Variants in CAMK2A observed in about 807,000 individuals in gnomAD.
CAMK2A encodes calcium/calmodulin-dependent protein kinase type II subunit alpha.
Under a neutral mutation model 79.2 loss-of-function variants are expected in CAMK2A, and 7 were observed. The ratio of observed to expected loss-of-function variants is 0.09; its 90% CI spans 0.05 to 0.17. The LOEUF is 0.17. Among genes scored for constraint, CAMK2A ranks in the 10% least tolerant of loss-of-function variants. CAMK2A has a pLI of 1.00. For missense variants in CAMK2A, 214 were observed against 646.4 expected, an observed-to-expected ratio of 0.33 and a Z score of 7.25; for synonymous variants, 242 against 251.7, an observed-to-expected ratio of 0.96 and a Z score of 0.36.
At position 150,219,713 on chromosome 5, in the gene CAMK2A, C is replaced by T. The variant is rs990727348; in HGVS notation, c.*2997G>A. On this transcript the variant is annotated 3_prime_UTR_variant, in exon 19 of 19. Transcript: ENST00000671881. ...AAACCAGCACGGGGAGTCTGGCAAA[C>T]TCATCCCCCAAAAGGGTCTCCCTTT... The T allele has an allele frequency of 6.6e-6, 1 of 151,866 alleles. No individual in the cohort carries two copies. Among genetic ancestry groups the T allele is most frequent in the African/African-American group, 2.4e-5 (1 of 41,230 alleles). The allele number at this position is 151,866 out of a possible 1,614,324, so 9.4% of individuals were successfully genotyped here.
At chr5:150,267,956 C>T (rs1317684970) in intron 2 of CAMK2A, among the ~76,000 whole-genome samples, 1 of 151,820 alleles carries the variant, frequency 6.6e-6, no homozygotes, top group Non-Finnish European at 1.5e-5. Flanking sequence ...TCACTGCAAC[C>T]TCTGCCTGCC....
chr5:150,225,874 A>G (rs1754577340), intron 17 of CAMK2A, among the ~76,000 whole-genome samples: 1 of 152,130 alleles, frequency 6.6e-6, no homozygotes, highest in Non-Finnish European at 1.5e-5. Flanking sequence ...CCTCCCAAGT[A>G]GCTGAGATTA....
intron 1 of CAMK2A, among the ~76,000 whole-genome samples, chr5:150,274,319 AT>A (rs1052198558): frequency 6.6e-6 from 1 of 152,214 alleles, no homozygotes; most frequent in African/African-American, 2.4e-5. Context: ...AATGTGGCCC[AT>A]TTCCTACCTC....
chr5:150,227,062 G>A (rs1463569233), intron 17 of CAMK2A, among the ~76,000 whole-genome samples: 2 of 151,984 alleles, frequency 1.3e-5, no homozygotes, highest in Non-Finnish European at 2.9e-5. Flanking sequence ...GTGAGCCACC[G>A]CGCCCGGCTA....
Position 150,239,720 on chromosome 5 carries a change from G to A in CAMK2A, c.1001C>T (p.Ser334Phe). 1 of 1,614,044 alleles carries A rather than the reference G, an allele frequency of 6.2e-7. No homozygotes were observed. The highest frequency in any genetic ancestry group is 1.1e-5 in the South Asian group (1 of 91,082). ...GACACTCACCATTAACTGAACGCTG[G>A]AACTGGACTTTCTTTTCTGGAAAAA... is the stretch of plus-strand genomic sequence containing the variant. The part of the protein sequence containing the change: ...SDGVKKRKSS[S>F]SVQLMESSES... Residue 334 changes from serine (S) to phenylalanine (F), a missense_variant, in exon 14 of 19, where the codon TCC becomes TTC. Around this residue, in one of 4 missense-constraint regions of CAMK2A, gnomAD observed 123 missense variants for 242.4 expected, o/e 0.51. Coordinates refer to ENST00000671881, the MANE Select transcript of CAMK2A (RefSeq NM_015981.4).
In CAMK2A at chr5:150,250,628, G is replaced by C. The variant is rs1469443081; in HGVS notation, c.816+60C>G. 1.9e-6 allele frequency: 3 copies of C among 1,600,674 alleles called. No individual in the cohort carries two copies. The African/African-American group carries it at 4.0e-5, about 21-fold the overall frequency. On this transcript the variant is annotated intron_variant, in intron 10 of 18. Transcript: ENST00000671881. ...CAGGGGAAGGGCCAGAACTCTGTGG[G>C]GGCCTGGATCATGAGGTCTGGAGGG...
Position 150,284,512 on chromosome 5 carries a change from G to A in CAMK2A, c.62+5052C>T, listed in dbSNP as rs1465288641. 6.6e-6 allele frequency among the ~76,000 whole-genome samples: 1 copy of A among 152,104 alleles called. No homozygotes were observed. Among genetic ancestry groups the A allele is most frequent in the Non-Finnish European group, 1.5e-5 (1 of 68,016 alleles). ...AGGTGGGGAGGAAGGGAGGGAGGGA[G>A]GGAGGCTCAGCAGAGTGTCAGTGTG... is the stretch of plus-strand genomic sequence containing the variant. On this transcript the variant is annotated intron_variant, in intron 1 of 18. Transcript: ENST00000671881. This position sits in a 1 kb window ranked among gnomAD's most constrained non-coding sequence, Gnocchi z 5.3.
intron 9 of CAMK2A, among the ~76,000 whole-genome samples, chr5:150,251,092 AAAAG>A (rs1160556478): frequency 6.6e-6 from 1 of 152,246 alleles, no homozygotes; most frequent in Non-Finnish European, 1.5e-5. Flanking sequence ...CTTCAGAATC[AAAAG>A]GCCTGGATTC....
chr5:150,267,614 A>T (rs1009005826), intron 2 of CAMK2A, among the ~76,000 whole-genome samples: 1 of 152,206 alleles, frequency 6.6e-6, no homozygotes, highest in Non-Finnish European at 1.5e-5. Flanking sequence ...GAGTGTAAAC[A>T]TATACATTAT....
At chr5:150,245,841 G>A (rs768008092) in intron 12 of CAMK2A, among the ~76,000 whole-genome samples, 3 of 152,208 alleles carry the variant, frequency 2.0e-5, no homozygotes, top group East Asian at 3.9e-4. Flanking sequence ...GACAACCAGA[G>A]CAACAGCTCT....
At chr5:150,257,997 T>C (rs556521850) in intron 3 of CAMK2A, among the ~76,000 whole-genome samples, 1 of 152,366 alleles carries the variant, frequency 6.6e-6, no homozygotes, top group South Asian at 2.1e-4. Flanking sequence ...TCTGAGCCTC[T>C]CTTTCCTTGC....
chr5:150,270,892 C>T (rs529754257), intron 2 of CAMK2A, among the ~76,000 whole-genome samples: 1 of 152,312 alleles, frequency 6.6e-6, no homozygotes, highest in South Asian at 2.1e-4. Flanking sequence ...AGCCATGGCC[C>T]TTCCACCCTC....
chr5:150,231,613 CAAAAA>C (rs34708614), intron 15 of CAMK2A, among the ~76,000 whole-genome samples: 1 of 120,462 alleles, frequency 8.3e-6, no homozygotes. Context: ...CCCAGAAAGG[CAAAAA>C]AAAAAAAAAA....
At chr5:150,242,583 C>T (rs1252721154) in intron 13 of CAMK2A, among the ~76,000 whole-genome samples, 1 of 152,212 alleles carries the variant, frequency 6.6e-6, no homozygotes, top group Non-Finnish European at 1.5e-5. Flanking sequence ...GATGTGGCTC[C>T]ACCAGGCCCT....
intron 17 of CAMK2A, among the ~76,000 whole-genome samples, chr5:150,227,184 T>C (rs1754642413): frequency 6.6e-6 from 1 of 152,216 alleles, no homozygotes. Flanking sequence ...TACATAATCC[T>C]TGCACCATGC....
In CAMK2A at chr5:150,247,919, A is replaced by G. The variant is rs1755645547; in HGVS notation, c.901-105T>C. 6.5e-6 allele frequency: 6 copies of G among 922,886 alleles called. No homozygotes were observed. The Admixed American group carries it at 1.2e-4, about 19-fold the overall frequency. The allele number at this position is 922,886 out of a possible 1,614,324, so 57.2% of individuals were successfully genotyped here. A position where few individuals can be genotyped will look rare whatever the true frequency, so the allele number is the denominator to read the frequency against. On this transcript the variant is annotated intron_variant, in intron 11 of 18. Coordinates refer to ENST00000671881, the MANE Select transcript of CAMK2A (RefSeq NM_015981.4). ...ACGGGGAAGGAGAGGCAGGTGCTGC[A>G]TTCAGAGAAGAAGCCAAAGCCTCTG...
intron 15 of CAMK2A, chr5:150,238,379 G>C (rs1580906997): frequency 4.4e-6 from 1 of 227,920 alleles, no homozygotes; most frequent in South Asian, 5.0e-5. Context: ...TTGAACCTGG[G>C]AGGCAGAGGT....
At chr5:150,265,934 C>CAAA in intron 2 of CAMK2A, among the ~76,000 whole-genome samples, 1 of 83,624 alleles carries the variant, frequency 1.2e-5, no homozygotes, top group Admixed American at 1.3e-4. Context: ...GACTTCATCT[C>CAAA]AAAAAAAAAA....
intron 1 of CAMK2A, 71 bp downstream of exon 1, chr5:150,289,493 C>T: frequency 8.3e-7 from 1 of 1,203,716 alleles, no homozygotes; most frequent in Non-Finnish European, 1.2e-6. Context: ...ACTGCAGGCA[C>T]ACACACCCCA....
Sources: allele counts gnomAD v4.1 joint callset (sites outside exome capture counted in the v4.1 genomes callset), GRCh38; gene constraint gnomAD v4.1.1; regional missense constraint gnomAD v4.1.1; non-coding constraint Gnocchi (gnomAD v3.1); transcripts MANE v1.5; gene names NCBI Gene and HGNC (gene_info 2026-07-23, HGNC 2026-07-21).